Variants in PTPRD observed in about 807,000 individuals in gnomAD.
PTPRD encodes the protein receptor-type tyrosine-protein phosphatase delta.
Under a neutral mutation model 214.5 loss-of-function variants are expected in PTPRD, and 34 were observed. The ratio of observed to expected loss-of-function variants is 0.16; its 90% CI spans 0.12 to 0.21. The LOEUF (loss-of-function observed/expected upper bound fraction) is 0.21, where lower values mean the gene tolerates loss of function less well. PTPRD is among the 10% of genes least tolerant of loss of function. The pLI is 1.00. For missense variants in PTPRD, 2,545 were observed against 2,398.7 expected (o/e 1.06, Z -1.27); for synonymous variants, 1,128 against 845.7 (o/e 1.33, Z -5.79).
chr9:8,944,969 A>G (rs2099054949), intron 11 of PTPRD, among the ~76,000 whole-genome samples: 1 of 152,078 alleles, frequency 6.6e-6, no homozygotes, highest in South Asian at 2.1e-4. Flanking sequence ...CTTTACTCTG[A>G]TGTGATTATG....
intron 5 of PTPRD, among the ~76,000 whole-genome samples, chr9:9,844,139 T>G (rs1416461882): frequency 6.6e-6 from 1 of 152,052 alleles, no homozygotes; most frequent in African/African-American, 2.4e-5. Context: ...TTTCATTGTT[T>G]ACTGCCTTAA....
At chr9:10,206,216 G>C (rs898200096) in intron 3 of PTPRD, among the ~76,000 whole-genome samples, 15 of 152,200 alleles carry the variant, frequency 9.9e-5, no homozygotes, top group African/African-American at 3.1e-4. Flanking sequence ...ACCACAGCAT[G>C]TCTGGGAAAC....
At chr9:8,318,553 G>A (rs1019870417) in intron 45 of PTPRD, among the ~76,000 whole-genome samples, 16 of 152,178 alleles carry the variant, frequency 1.1e-4, no homozygotes, top group African/African-American at 3.9e-4. Flanking sequence ...ACAGCCAGAA[G>A]GTAGCTGGTG....
At chr9:9,699,143 T>A (rs548873626) in intron 7 of PTPRD, among the ~76,000 whole-genome samples, 2 of 152,268 alleles carry the variant, frequency 1.3e-5, no homozygotes, top group Admixed American at 1.3e-4. Context: ...ATTGGCTATT[T>A]TCGTTGTGGT....
chr9:8,512,642 G>A (rs887760399), intron 21 of PTPRD, among the ~76,000 whole-genome samples: 3 of 151,900 alleles, frequency 2.0e-5, no homozygotes, highest in African/African-American at 4.8e-5. Context: ...GTTGATACTA[G>A]TCATTAGTAT....
intron 14 of PTPRD, among the ~76,000 whole-genome samples, chr9:8,566,271 T>C (rs954157071): frequency 6.6e-6 from 1 of 152,062 alleles, no homozygotes; most frequent in Admixed American, 6.6e-5. Context: ...GTATTTCTAC[T>C]TCAAGAAGAA....
chr9:9,871,816 C>A (rs1025726468), intron 5 of PTPRD, among the ~76,000 whole-genome samples: 1 of 152,150 alleles, frequency 6.6e-6, no homozygotes, highest in Non-Finnish European at 1.5e-5. Flanking sequence ...AGATTATCTT[C>A]TGGAAAGGGG....
At chr9:10,272,873 T>C (rs1442409963) in intron 3 of PTPRD, among the ~76,000 whole-genome samples, 1 of 152,236 alleles carries the variant, frequency 6.6e-6, no homozygotes, top group Non-Finnish European at 1.5e-5. Context: ...AAGACTTTTA[T>C]CTTAACTTTT....
intron 12 of PTPRD, among the ~76,000 whole-genome samples, chr9:8,669,613 C>T (rs1219151046): frequency 6.6e-6 from 1 of 152,126 alleles, no homozygotes; most frequent in Non-Finnish European, 1.5e-5. Flanking sequence ...GTGGAAACCC[C>T]AACTCATGCA....
intron 10 of PTPRD, among the ~76,000 whole-genome samples, chr9:9,099,118 CA>C (rs2099787818): frequency 6.6e-6 from 1 of 152,084 alleles, no homozygotes; most frequent in Non-Finnish European, 1.5e-5. Context: ...CATATGTTTA[CA>C]AATGTGATAA....
intron 11 of PTPRD, among the ~76,000 whole-genome samples, chr9:8,928,168 C>T (rs1408226875): frequency 5.9e-5 from 9 of 151,972 alleles, no homozygotes; most frequent in Admixed American, 2.0e-4. Flanking sequence ...TTTACTCTGA[C>T]GATAGTTTCT....
chr9:10,225,188 A>G (rs1233879186), intron 3 of PTPRD, among the ~76,000 whole-genome samples: 3 of 151,974 alleles, frequency 2.0e-5, no homozygotes, highest in African/African-American at 7.2e-5. Context: ...ACAGTCTTAT[A>G]TAAATGAATT....
intron 44 of PTPRD, among the ~76,000 whole-genome samples, chr9:8,328,134 G>A (rs963987485): frequency 6.6e-6 from 1 of 152,120 alleles, no homozygotes; most frequent in Admixed American, 6.6e-5. Flanking sequence ...ACAATTTGGT[G>A]TGTTTTTGCA....
chr9:9,598,026 T>A (rs1194424259), intron 7 of PTPRD, among the ~76,000 whole-genome samples: 1 of 152,020 alleles, frequency 6.6e-6, no homozygotes, highest in East Asian at 1.9e-4. Flanking sequence ...TCCTGCAAAC[T>A]GTCCTGCCAC....
At chr9:8,863,825 T>C (rs2098148491) in intron 11 of PTPRD, among the ~76,000 whole-genome samples, 1 of 152,212 alleles carries the variant, frequency 6.6e-6, no homozygotes, top group African/African-American at 2.4e-5. Context: ...TTTCATGGGT[T>C]TTGATACATT....
chr9:10,351,983 G>A (rs1175767910), intron 2 of PTPRD, among the ~76,000 whole-genome samples: 2 of 151,954 alleles, frequency 1.3e-5, no homozygotes, highest in Non-Finnish European at 2.9e-5. Context: ...AATTAACTGT[G>A]GAGGCATTGA....
At chr9:8,721,747 T>C (rs2098501466) in intron 12 of PTPRD, among the ~76,000 whole-genome samples, 1 of 152,232 alleles carries the variant, frequency 6.6e-6, no homozygotes, top group Non-Finnish European at 1.5e-5. Flanking sequence ...AATCTGCTTC[T>C]GGTTTTACAG....
In PTPRD at chr9:8,964,190, G is replaced by GTTTTTTTTTTTTTTTTTTTTTTTTTTT. The variant is rs1334290420; in HGVS notation, c.-104+54506_-104+54507insAAAAAAAAAAAAAAAAAAAAAAAAAAA. On this transcript the variant is annotated intron_variant, in intron 11 of 45. Coordinates refer to ENST00000381196, the MANE Select transcript of PTPRD (RefSeq NM_002839.4). ...CTGTGAATCTATCTAGTTCAGGGCTGTGTTTTTTTTTTTTTTTTTTTTTTT... is the reference window on the plus strand; with the variant it reads ...CTGTGAATCTATCTAGTTCAGGGCTGTTTTTTTTTTTTTTTTTTTTTTTTTTTTGTTTTTTTTTTTTTTTTTTTTTTT... Among the ~76,000 whole-genome samples, 19 of 52,948 alleles carry GTTTTTTTTTTTTTTTTTTTTTTTTTTT rather than the reference G, an allele frequency of 3.6e-4. 7 individuals are homozygous for GTTTTTTTTTTTTTTTTTTTTTTTTTTT. Among genetic ancestry groups the GTTTTTTTTTTTTTTTTTTTTTTTTTTT allele is most frequent in the South Asian group, 2.5e-3 (2 of 790 alleles). The allele number at this position is 52,948 out of a possible 152,430, so 34.7% of individuals were successfully genotyped here.
At chr9:10,362,566 C>T (rs376394471) in intron 2 of PTPRD, among the ~76,000 whole-genome samples, 1 of 152,060 alleles carries the variant, frequency 6.6e-6, no homozygotes, top group Non-Finnish European at 1.5e-5. Context: ...AGAGCACAAT[C>T]GAGTGATAAC....
Sources: gnomAD v4.1 joint callset for allele counts (sites outside exome capture counted in the v4.1 genomes callset) on GRCh38, gnomAD v4.1.1 for gene constraint, MANE v1.5 for transcripts, NCBI Gene and HGNC (gene_info 2026-07-23, HGNC 2026-07-21) for gene names.